RNF38: variants seen among roughly 807,000 people sequenced by gnomAD.
RNF38 encodes ring finger protein 38, also known as E3 ubiquitin-protein ligase RNF38.
Under a neutral mutation model 67.2 loss-of-function variants are expected in RNF38, and 15 were observed. The observed-to-expected ratio is 0.22, with a 90% confidence interval of 0.15 to 0.34. The LOEUF is 0.34. Among genes scored for constraint, RNF38 ranks in the 10% least tolerant of loss-of-function variants. The pLI is 1.00. For missense variants in RNF38, 524 were observed against 639.9 expected, an observed-to-expected ratio of 0.82 and a Z score of 1.95; for synonymous variants, 220 against 218.8, an observed-to-expected ratio of 1.01 and a Z score of -0.05.
At chr9:36,427,528 T>G (rs1838803407) in intron 1 of RNF38, among the ~76,000 whole-genome samples, 12 of 152,296 alleles carry the variant, frequency 7.9e-5, no homozygotes, top group Admixed American at 7.2e-4. Context: ...AGTATCCTTA[T>G]AAATTCAATC....
In RNF38 at chr9:36,485,757, T is replaced by C. The variant is rs868223261; in HGVS notation, n.241+1551A>G. ...AACAGCTGACTTAAACAAGGAATCA[T>C]CTTGGACAAAGGGCCTTAATTAATG... On this transcript the variant is annotated intron_variant and non_coding_transcript_variant, in intron 1 of 3. Transcript: ENST00000488058. Among the ~76,000 whole-genome samples, 9 of 152,178 alleles carry C rather than the reference T, an allele frequency of 5.9e-5. 1 individual carries two copies. The highest frequency in any genetic ancestry group is 4.1e-4 in the South Asian group (2 of 4,822).
At chr9:36,434,865 T>G (rs918029380) in intron 1 of RNF38, among the ~76,000 whole-genome samples, 1 of 152,042 alleles carries the variant, frequency 6.6e-6, no homozygotes, top group African/African-American at 2.4e-5. Context: ...ATATCCCAAG[T>G]GGAAAGAATA....
chr9:36,421,414 A>G (rs2134232987), intron 2 of RNF38, among the ~76,000 whole-genome samples: 1 of 152,246 alleles, frequency 6.6e-6, no homozygotes, highest in East Asian at 1.9e-4. Flanking sequence ...CTGTAATACC[A>G]GCACTTTGGG....
At chr9:36,357,675 T>A in intron 5 of RNF38, 100 bp downstream of exon 5, 1 of 822,122 alleles carries the variant, frequency 1.2e-6, no homozygotes. Flanking sequence ...ATAATGCAGT[T>A]AGCCCCTCTA....
chr9:36,344,794 A>G, intron 10 of RNF38, 38 bp downstream of exon 10: 1 of 1,593,778 alleles, frequency 6.3e-7, no homozygotes, highest in Non-Finnish European at 8.6e-7. Context: ...AAAGGTAGAA[A>G]AGGAAATTTA....
chr9:36,401,188 C>T, upstream of RNF38: 1 of 973,612 alleles, frequency 1.0e-6, no homozygotes, highest in Middle Eastern at 5.3e-4. Context: ...GTTTCCACCC[C>T]GAGGGGGAAG....
chr9:36,424,950 C>T (rs765094390), intron 1 of RNF38, among the ~76,000 whole-genome samples: 2 of 152,092 alleles, frequency 1.3e-5, no homozygotes, highest in Non-Finnish European at 2.9e-5. Context: ...TCTACTAGAC[C>T]GAGTAGTCTG....
intron 2 of RNF38, among the ~76,000 whole-genome samples, chr9:36,415,439 G>GT (rs751360365): frequency 2.3e-4 from 34 of 148,892 alleles, no homozygotes; most frequent in Non-Finnish European, 4.2e-4. Flanking sequence ...TTGTTTTTTT[G>GT]TTTTTTTCTA....
chr9:36,426,248 T>TTTTAGTATA (rs1378686280), intron 1 of RNF38, among the ~76,000 whole-genome samples: 2 of 152,180 alleles, frequency 1.3e-5, no homozygotes, highest in African/African-American at 4.8e-5. Context: ...AATTTTTTTT[T>TTTTAGTATA]TTTAGTATAT....
intron 4 of RNF38, among the ~76,000 whole-genome samples, chr9:36,361,659 ACT>A (rs1318799450): frequency 6.6e-6 from 1 of 152,160 alleles, no homozygotes; most frequent in Admixed American, 6.5e-5. Flanking sequence ...TCAGAGTCTG[ACT>A]CTGGTGAATC....
chr9:36,399,960 G>T, intron 1 of RNF38, 137 bp downstream of exon 1: 1 of 769,240 alleles, frequency 1.3e-6, no homozygotes, highest in Non-Finnish European at 2.1e-6. Flanking sequence ...CACCGCTTAA[G>T]AAAAAAGAAA....
intron 4 of RNF38, 133 bp downstream of exon 4, chr9:36,369,586 G>A: frequency 1.5e-6 from 1 of 687,216 alleles, no homozygotes; most frequent in Non-Finnish European, 2.4e-6. Flanking sequence ...ATTCTTAAAA[G>A]GAATGAGGAA....
chr9:36,397,548 A>C (rs1837633791), intron 1 of RNF38, among the ~76,000 whole-genome samples: 1 of 152,158 alleles, frequency 6.6e-6, no homozygotes, highest in Non-Finnish European at 1.5e-5. Context: ...CCCACTCTTG[A>C]GTTAGGCAAA....
Position 36,336,716 on chromosome 9 carries a change from T to C in RNF38, c.*3036A>G, listed in dbSNP as rs1389853204. 1 of 152,548 alleles carries C rather than the reference T, an allele frequency of 6.6e-6. No homozygotes were observed. The allele number at this position is 152,548 out of a possible 1,614,324, so 9.4% of individuals were successfully genotyped here. On this transcript the variant is annotated 3_prime_UTR_variant, in exon 12 of 12. Coordinates refer to ENST00000259605, the MANE Select transcript of RNF38 (RefSeq NM_022781.5). ...AACGGCAAAATGAGGTAACCAAATGTACCAACAGGGGGACAAACAAACAGC... is the reference window on the plus strand; with the variant it reads ...AACGGCAAAATGAGGTAACCAAATGCACCAACAGGGGGACAAACAAACAGC...
chr9:36,414,049 T>A (rs1427787493), intron 2 of RNF38, among the ~76,000 whole-genome samples: 1 of 152,214 alleles, frequency 6.6e-6, no homozygotes, highest in Non-Finnish European at 1.5e-5. Context: ...GGATAGCGAC[T>A]CCGGATAGCG....
At chr9:36,357,173 G>A (rs1040283254) in intron 5 of RNF38, among the ~76,000 whole-genome samples, 1 of 152,010 alleles carries the variant, frequency 6.6e-6, no homozygotes, top group Admixed American at 6.6e-5. Flanking sequence ...AAGATTAAAG[G>A]ACAAAGCATA....
Position 36,393,524 on chromosome 9 carries a change from G to GTGTGTGTGTGTGTGTGT in RNF38, c.13-2909_13-2908insACACACACACACACACA, listed in dbSNP as rs1554689613. Among the ~76,000 whole-genome samples the GTGTGTGTGTGTGTGTGT allele has an allele frequency of 5.7e-4, 48 of 84,336 alleles. 2 individuals are homozygous for GTGTGTGTGTGTGTGTGT. Among genetic ancestry groups the GTGTGTGTGTGTGTGTGT allele is most frequent in the East Asian group, 1.0e-3 (3 of 2,884 alleles). The allele number at this position is 84,336 out of a possible 152,430, so 55.3% of individuals were successfully genotyped here. ...GTGTGTGTGTGTGTGTGTGTGTGTG[G>GTGTGTGTGTGTGTGTGT]GGCAGGCAGTCCCATACATAGGTTG... On this transcript the variant is annotated intron_variant, in intron 1 of 11. Coordinates refer to ENST00000259605, the MANE Select transcript of RNF38 (RefSeq NM_022781.5).
chr9:36,406,328 C>G (rs1025620934), intron 2 of RNF38, among the ~76,000 whole-genome samples: 6 of 152,234 alleles, frequency 3.9e-5, no homozygotes, highest in African/African-American at 1.4e-4. Context: ...TAAAGAATGG[C>G]TTACCTGCTG....
chr9:36,343,305 T>C (rs570107369), intron 10 of RNF38, among the ~76,000 whole-genome samples: 9 of 152,314 alleles, frequency 5.9e-5, no homozygotes, highest in African/African-American at 2.2e-4. Flanking sequence ...TTTACACTTT[T>C]TATTATTCTA....
Sources: gnomAD v4.1 joint callset for allele counts (sites outside exome capture counted in the v4.1 genomes callset) on GRCh38, gnomAD v4.1.1 for gene constraint, MANE v1.5 for transcripts, NCBI Gene and HGNC (gene_info 2026-07-23, HGNC 2026-07-21) for gene names.